Variants in SLC44A5 observed in about 807,000 individuals in gnomAD.
SLC44A5 encodes choline transporter-like protein 5.
SLC44A5 carries 57 observed loss-of-function variants against 101.8 expected under a neutral mutation model. The ratio of observed to expected loss-of-function variants is 0.56; its 90% CI spans 0.45 to 0.70. The LOEUF is 0.70. SLC44A5 is among the 30% of genes least tolerant of loss of function. SLC44A5 has a pLI of 0.00. For synonymous variants in SLC44A5, 281 were observed against 290.9 expected, an observed-to-expected ratio of 0.97 and a Z score of 0.35; for missense variants, 737 against 853.1, an observed-to-expected ratio of 0.86 and a Z score of 1.70.
intron 2 of SLC44A5, among the ~76,000 whole-genome samples, chr1:75,401,886 T>C (rs1205634958): frequency 6.6e-6 from 1 of 152,174 alleles, no homozygotes; most frequent in Non-Finnish European, 1.5e-5. Flanking sequence ...CATTATCCTG[T>C]GCATCAGTAT....
the SLC44A5 span, among the ~76,000 whole-genome samples, chr1:75,654,704 T>C: frequency 6.6e-6 from 1 of 152,144 alleles, no homozygotes; most frequent in Non-Finnish European, 1.5e-5. Flanking sequence ...CAGAAAGAGA[T>C]GACTTCCATA....
intron 1 of SLC44A5, among the ~76,000 whole-genome samples, chr1:75,585,573 A>G (rs1256918146): frequency 6.6e-6 from 1 of 152,174 alleles, no homozygotes; most frequent in Non-Finnish European, 1.5e-5. Context: ...GAGTATTTGG[A>G]AACTGGCCCA....
chr1:75,564,336 T>C (rs1002143287), intron 1 of SLC44A5, among the ~76,000 whole-genome samples: 1 of 152,198 alleles, frequency 6.6e-6, no homozygotes, highest in Non-Finnish European at 1.5e-5. Context: ...GCAAATTTGA[T>C]TTTCAAGCAT....
At chr1:75,338,605 G>GT (rs1557678632) in intron 4 of SLC44A5, among the ~76,000 whole-genome samples, 1 of 152,190 alleles carries the variant, frequency 6.6e-6, no homozygotes, top group Non-Finnish European at 1.5e-5. Flanking sequence ...TGTATTCATG[G>GT]TGTTACCATG....
chr1:75,219,299 T>C lies in SLC44A5; in HGVS notation c.1224A>G (p.Pro408=). The change falls in exon 16 of 24, where the codon CCA becomes CCG. Residue 408 remains proline (P), a synonymous_variant. Transcript: ENST00000370859. ...GATTTTCATGTATACAATGCCCCCCTGGAGCTATGACTTTGTATACAGGTA... is the reference window on the plus strand; with the variant it reads ...GATTTTCATGTATACAATGCCCCCCCGGAGCTATGACTTTGTATACAGGTA... ...SGVPVYKVIA[P]GGHCIHENQT... is the part of the protein sequence containing the mutation. The C allele has an allele frequency of 4.3e-6, 7 of 1,613,398 alleles. No individual in the cohort carries two copies. The highest frequency in any genetic ancestry group is 5.9e-6 in the Non-Finnish European group (7 of 1,179,456).
chr1:75,608,226 T>A (rs745391917), intron 1 of SLC44A5, among the ~76,000 whole-genome samples: 4 of 151,696 alleles, frequency 2.6e-5, no homozygotes, highest in Non-Finnish European at 5.9e-5. Context: ...TAACCCAACT[T>A]AAAAATAGGC....
In SLC44A5 at chr1:75,270,754, T is replaced by C. The variant is rs564161411; in HGVS notation, c.260+4204A>G. Among the ~76,000 whole-genome samples, 2 of 152,214 alleles carry C rather than the reference T, an allele frequency of 1.3e-5. 1 individual carries two copies. Among genetic ancestry groups the C allele is most frequent in the South Asian group, 4.1e-4 (2 of 4,824 alleles). On this transcript the variant is annotated intron_variant, in intron 6 of 23. Transcript: ENST00000370859. ...TTACTATCATTCACATATTGTTGAG[T>C]ATCTGTGTAGTTTCCAATATATTAT...
the SLC44A5 span, among the ~76,000 whole-genome samples, chr1:75,713,254 A>C: frequency 6.6e-6 from 1 of 152,138 alleles, no homozygotes; most frequent in Non-Finnish European, 1.5e-5. Context: ...AACTTCCAAC[A>C]TTTCCTCATT....
At chr1:75,604,847 T>G (rs1285428646) in intron 1 of SLC44A5, among the ~76,000 whole-genome samples, 2 of 152,168 alleles carry the variant, frequency 1.3e-5, no homozygotes, top group East Asian at 3.9e-4. Context: ...GATATGGTAC[T>G]GATTTTTGTA....
chr1:75,667,745 C>G, the SLC44A5 span, among the ~76,000 whole-genome samples: 2 of 152,046 alleles, frequency 1.3e-5, no homozygotes, highest in Non-Finnish European at 2.9e-5. Context: ...AATGAAGTGC[C>G]GAACTAAGAG....
intron 1 of SLC44A5, among the ~76,000 whole-genome samples, chr1:75,573,317 C>A (rs185596833): frequency 6.6e-6 from 1 of 151,922 alleles, no homozygotes; most frequent in Non-Finnish European, 1.5e-5. Flanking sequence ...GAACTCCAGA[C>A]TGTGTGACAG....
intron 3 of SLC44A5, among the ~76,000 whole-genome samples, chr1:75,373,002 CTTATTGACCTGAAT>C (rs2101182916): frequency 6.6e-6 from 1 of 152,180 alleles, no homozygotes; most frequent in African/African-American, 2.4e-5. Flanking sequence ...GTAAGAACTC[CTTATTGACCTGAAT>C]TCATTGATGA....
chr1:75,663,805 C>T, the SLC44A5 span, among the ~76,000 whole-genome samples: 1 of 152,100 alleles, frequency 6.6e-6, no homozygotes, highest in Non-Finnish European at 1.5e-5. Flanking sequence ...CTAACATATC[C>T]TATGAAGCCA....
At chr1:75,512,795 A>G (rs1347297881) in intron 2 of SLC44A5, among the ~76,000 whole-genome samples, 1 of 152,064 alleles carries the variant, frequency 6.6e-6, no homozygotes, top group East Asian at 1.9e-4. Flanking sequence ...CTAGCCAAAG[A>G]GGGATGGGAA....
intron 2 of SLC44A5, among the ~76,000 whole-genome samples, chr1:75,485,455 C>T (rs777955944): frequency 6.6e-6 from 1 of 152,174 alleles, no homozygotes; most frequent in Non-Finnish European, 1.5e-5. Context: ...TGGTAAGTTT[C>T]TCCTCTTCAT....
intron 2 of SLC44A5, among the ~76,000 whole-genome samples, chr1:75,466,602 G>C (rs1055811098): frequency 2.7e-5 from 4 of 148,014 alleles, no homozygotes; most frequent in Non-Finnish European, 5.9e-5. Flanking sequence ...GTGGCAGTGA[G>C]CCGAGATTGT....
chr1:75,683,313 T>C, the SLC44A5 span, among the ~76,000 whole-genome samples: 1 of 152,150 alleles, frequency 6.6e-6, no homozygotes, highest in African/African-American at 2.4e-5. Flanking sequence ...ATACGTATGT[T>C]TATTGCGGCA....
intron 2 of SLC44A5, among the ~76,000 whole-genome samples, chr1:75,501,185 T>TAA (rs5775290): frequency 4.0e-5 from 6 of 151,812 alleles, no homozygotes; most frequent in Non-Finnish European, 7.4e-5. Context: ...TGAACATTAA[T>TAA]AAAAAAACAT....
chr1:75,424,104 G>A (rs1042668926), intron 2 of SLC44A5, among the ~76,000 whole-genome samples: 1 of 152,158 alleles, frequency 6.6e-6, no homozygotes, highest in Admixed American at 6.5e-5. Context: ...AAAGATTGTG[G>A]ATAATTAATT....
Sources: gnomAD v4.1 joint callset for allele counts (sites outside exome capture counted in the v4.1 genomes callset) on GRCh38, gnomAD v4.1.1 for gene constraint, MANE v1.5 for transcripts, NCBI Gene and HGNC (gene_info 2026-07-23, HGNC 2026-07-21) for gene names.